UNC13C: variants seen among roughly 807,000 people sequenced by gnomAD.
UNC13C encodes protein unc-13 homolog C.
A neutral mutation model predicts 245.4 loss-of-function variants in UNC13C; 174 were observed. That is an observed-to-expected ratio of 0.71 (90% CI 0.63 to 0.80). The LOEUF (loss-of-function observed/expected upper bound fraction) is 0.80, where lower values mean the gene tolerates loss of function less well. Among genes scored for constraint, UNC13C ranks in the 30% least tolerant of loss-of-function variants. UNC13C has a pLI of 0.00. For synonymous variants in UNC13C, 992 were observed against 895.1 expected (o/e 1.11, Z -1.93); for missense variants, 2,829 against 2,602.9 (o/e 1.09, Z -1.89).
intron 4 of UNC13C, among the ~76,000 whole-genome samples, chr15:54,151,488 C>T (rs1475451035): frequency 2.0e-5 from 3 of 152,018 alleles, no homozygotes; most frequent in South Asian, 2.1e-4. Context: ...CTGCAACCTC[C>T]GCCTCCTGGG....
At chr15:54,484,643 A>G (rs1236542080) in intron 19 of UNC13C, among the ~76,000 whole-genome samples, 1 of 152,198 alleles carries the variant, frequency 6.6e-6, no homozygotes, top group Non-Finnish European at 1.5e-5. Context: ...TTCATGACCT[A>G]TCACTTGGGC....
chr15:54,279,811 G>GA (rs1344025340), intron 10 of UNC13C, among the ~76,000 whole-genome samples: 1 of 152,144 alleles, frequency 6.6e-6, no homozygotes, highest in Non-Finnish European at 1.5e-5. Flanking sequence ...TTTCTGTTCA[G>GA]ATAGGCTGGT....
intron 2 of UNC13C, among the ~76,000 whole-genome samples, chr15:54,100,634 T>C (rs1900113568): frequency 6.6e-6 from 1 of 152,110 alleles, no homozygotes; most frequent in Admixed American, 6.6e-5. Flanking sequence ...TTAGTACGTC[T>C]ATATCCAGTT....
At chr15:54,248,463 G>T (rs1596080122) in intron 7 of UNC13C, among the ~76,000 whole-genome samples, 1 of 152,086 alleles carries the variant, frequency 6.6e-6, no homozygotes, top group Non-Finnish European at 1.5e-5. Flanking sequence ...ATATTAAAGA[G>T]GAGGCAAAGG....
intron 2 of UNC13C, among the ~76,000 whole-genome samples, chr15:54,132,002 A>G (rs977453948): frequency 2.0e-5 from 3 of 151,850 alleles, no homozygotes; most frequent in South Asian, 2.1e-4. Context: ...CTGTGCTTCC[A>G]TATCACTTTG....
intron 17 of UNC13C, among the ~76,000 whole-genome samples, chr15:54,371,371 C>T (rs1326664434): frequency 6.6e-6 from 1 of 151,996 alleles, no homozygotes; most frequent in Admixed American, 6.6e-5. Context: ...AGAATATAAG[C>T]TCTTAGGTCC....
the UNC13C span, among the ~76,000 whole-genome samples, chr15:53,888,189 A>G: frequency 6.6e-6 from 1 of 152,104 alleles, no homozygotes; most frequent in Non-Finnish European, 1.5e-5. Context: ...AAGTGTTCCT[A>G]TTTCTCCACA....
At chr15:54,554,764 A>G (rs1266766864) in intron 28 of UNC13C, among the ~76,000 whole-genome samples, 1 of 151,878 alleles carries the variant, frequency 6.6e-6, no homozygotes, top group African/African-American at 2.4e-5. Context: ...TATTTCCTTT[A>G]TTATTTTCTT....
At chr15:54,456,350 C>G (rs1369469348) in intron 19 of UNC13C, among the ~76,000 whole-genome samples, 1 of 151,990 alleles carries the variant, frequency 6.6e-6, no homozygotes, top group African/African-American at 2.4e-5. Flanking sequence ...TTTTTGGTTC[C>G]ATATGAACTT....
chr15:54,109,721 A>G (rs891622360), intron 2 of UNC13C, among the ~76,000 whole-genome samples: 2 of 152,092 alleles, frequency 1.3e-5, no homozygotes, highest in Admixed American at 6.5e-5. Flanking sequence ...TAAACCCTAT[A>G]CACATGGTAA....
chr15:54,549,738 A>C (rs1896650433), intron 28 of UNC13C, 47 bp downstream of exon 28: 1 of 1,279,506 alleles, frequency 7.8e-7, no homozygotes, highest in South Asian at 1.4e-5. Flanking sequence ...TAGTGAGTTA[A>C]CTACAGTTCT....
the UNC13C span, among the ~76,000 whole-genome samples, chr15:53,873,774 C>A: frequency 8.0e-4 from 1 of 1,248 alleles, no homozygotes; most frequent in Non-Finnish European, 0.014. Context: ...TGAACCCCCA[C>A]GATCAAATGA....
intron 1 of UNC13C, among the ~76,000 whole-genome samples, chr15:54,010,250 T>C (rs768195734): frequency 1.8e-4 from 27 of 152,312 alleles, no homozygotes; most frequent in Non-Finnish European, 3.5e-4. Flanking sequence ...AAATTTAAAG[T>C]TAAATAGAAT....
chr15:54,343,817 G>A (rs2038794656), intron 17 of UNC13C, among the ~76,000 whole-genome samples: 1 of 152,132 alleles, frequency 6.6e-6, no homozygotes, highest in Non-Finnish European at 1.5e-5. Context: ...AAGGAAAAGT[G>A]GGAATTTATA....
chr15:54,237,469 G>A, intron 6 of UNC13C, 150 bp from the exon 7 acceptor site: 1 of 714,984 alleles, frequency 1.4e-6, no homozygotes, highest in Non-Finnish European at 2.6e-6. Context: ...CATATTCTGG[G>A]TGAATCGGCT....
In UNC13C at chr15:54,282,297, C is replaced by T. The variant is rs374042035; in HGVS notation, c.3819-11598C>T. On this transcript the variant is annotated intron_variant, in intron 10 of 32. Coordinates refer to ENST00000260323, the MANE Select transcript of UNC13C (RefSeq NM_001080534.3). Reference sequence around the variant, plus strand: ...TACACATACATATATATCATCAATTCAATATGTATATATGTGTAATTATGA... The same window carrying T: ...TACACATACATATATATCATCAATTTAATATGTATATATGTGTAATTATGA... Among the ~76,000 whole-genome samples, 6 of 152,254 alleles carry T rather than the reference C, an allele frequency of 3.9e-5. No individual in the cohort carries two copies. In the East Asian group the frequency reaches 7.7e-4, roughly 20 times the overall value.
At chr15:54,125,269 C>G (rs1304151486) in intron 2 of UNC13C, among the ~76,000 whole-genome samples, 2 of 152,094 alleles carry the variant, frequency 1.3e-5, no homozygotes, top group Non-Finnish European at 2.9e-5. Context: ...TGAGACCAGC[C>G]TGGTCAACAT....
At chr15:54,279,872 T>C (rs2036929943) in intron 10 of UNC13C, among the ~76,000 whole-genome samples, 2 of 152,208 alleles carry the variant, frequency 1.3e-5, no homozygotes, top group Non-Finnish European at 2.9e-5. Context: ...TTTTGTTTAC[T>C]GTAGGATGGA....
intron 7 of UNC13C, among the ~76,000 whole-genome samples, chr15:54,246,028 G>T (rs188502463): frequency 3.3e-4 from 50 of 152,290 alleles, no homozygotes; most frequent in African/African-American, 1.2e-3. Context: ...ACAGTTGGTA[G>T]ATTAGAATAT....
Sources: allele counts gnomAD v4.1 joint callset (sites outside exome capture counted in the v4.1 genomes callset), GRCh38; gene constraint gnomAD v4.1.1; transcripts MANE v1.5; gene names NCBI Gene and HGNC (gene_info 2026-07-23, HGNC 2026-07-21).